MGAT4C: variants seen among roughly 807,000 people sequenced by gnomAD.
The protein encoded by MGAT4C is MGAT4 family member C.
MGAT4C carries 19 observed loss-of-function variants against 40.1 expected under a neutral mutation model. The observed-to-expected ratio is 0.47, with a 90% CI of 0.33 to 0.70. MGAT4C has a LOEUF of 0.70. Ranked by LOEUF, MGAT4C falls within the 30% of genes least tolerant of loss-of-function variation. MGAT4C has a pLI of 0.02. For synonymous variants in MGAT4C, 181 were observed against 187.1 expected (o/e 0.97, Z 0.27); for missense variants, 491 against 563.2 (o/e 0.87, Z 1.30).
At chr12:86,081,640 G>T (rs1344145826) in intron 1 of MGAT4C, among the ~76,000 whole-genome samples, 2 of 152,116 alleles carry the variant, frequency 1.3e-5, no homozygotes, top group African/African-American at 4.8e-5. Context: ...TCTGGGGGGT[G>T]ACAACTTAGT....
intron 3 of MGAT4C, among the ~76,000 whole-genome samples, chr12:86,411,074 C>A (rs189342012): frequency 7.9e-5 from 12 of 152,212 alleles, no homozygotes; most frequent in African/African-American, 2.4e-4. Flanking sequence ...AATTAAACTT[C>A]TTTTATTTAT....
intron 3 of MGAT4C, among the ~76,000 whole-genome samples, chr12:86,401,024 A>T (rs1440191390): frequency 2.0e-5 from 3 of 152,162 alleles, no homozygotes; most frequent in Admixed American, 2.0e-4. Flanking sequence ...TTTACTAAAG[A>T]AAAATTGAAT....
intron 4 of MGAT4C, among the ~76,000 whole-genome samples, chr12:86,321,622 T>C (rs76316598): frequency 0.079 from 12,052 of 152,280 alleles, 673 homozygotes; most frequent in Middle Eastern, 0.2. Context: ...CTATGTTCTT[T>C]TTTAAAAATG....
intron 4 of MGAT4C, among the ~76,000 whole-genome samples, chr12:86,274,538 G>A (rs889000159): frequency 2.0e-5 from 3 of 152,108 alleles, no homozygotes; most frequent in Non-Finnish European, 4.4e-5. Context: ...ACCCTTGAAA[G>A]TAAATTTGGC....
rs1883623710 is a variant in MGAT4C, at chr12:85,971,519, T to C, written c.*7770A>G. The stretch of plus-strand genomic sequence containing the variant: ...AAACATCTCATTGTAGTTCATCCCA[T>C]GGCAGAAAAGTGTTTATCCACTTAG... On this transcript the variant is annotated 3_prime_UTR_variant, in exon 5 of 5. Coordinates refer to ENST00000611864, the MANE Select transcript of MGAT4C (RefSeq NM_001351288.2). The C allele has an allele frequency of 6.6e-6, 1 of 151,288 alleles. No homozygotes were observed. Among genetic ancestry groups the C allele is most frequent in the Non-Finnish European group, 1.5e-5 (1 of 67,382 alleles). 9.4% of individuals were successfully genotyped at this position (151,288 alleles called of 1,614,324 possible).
intron 2 of MGAT4C, among the ~76,000 whole-genome samples, chr12:86,570,916 C>T (rs369103985): frequency 2.6e-5 from 4 of 152,036 alleles, no homozygotes; most frequent in African/African-American, 4.8e-5. Context: ...TGGGTTTAAG[C>T]GATTCTCATG....
chr12:86,083,689 T>C (rs955943376), intron 1 of MGAT4C, among the ~76,000 whole-genome samples: 4 of 152,036 alleles, frequency 2.6e-5, no homozygotes, highest in African/African-American at 4.8e-5. Flanking sequence ...AATCAACATA[T>C]CCTGGCTTAT....
intron 1 of MGAT4C, among the ~76,000 whole-genome samples, chr12:86,829,368 A>G (rs1355710186): frequency 6.6e-6 from 1 of 151,580 alleles, no homozygotes; most frequent in Non-Finnish European, 1.5e-5. Context: ...GCTCCTAAAC[A>G]ACCATTAGGC....
At chr12:86,823,095 A>G (rs1952734415) in intron 1 of MGAT4C, among the ~76,000 whole-genome samples, 1 of 151,068 alleles carries the variant, frequency 6.6e-6, no homozygotes, top group African/African-American at 2.4e-5. Context: ...CAAAAACACA[A>G]CACAGTAAAA....
intron 2 of MGAT4C, among the ~76,000 whole-genome samples, chr12:86,630,733 G>T (rs1963004931): frequency 6.6e-6 from 1 of 152,080 alleles, no homozygotes; most frequent in Non-Finnish European, 1.5e-5. Flanking sequence ...CAATAAACTA[G>T]GTATTGATGG....
chr12:86,615,061 A>C (rs1400195046), intron 2 of MGAT4C, among the ~76,000 whole-genome samples: 1 of 152,060 alleles, frequency 6.6e-6, no homozygotes, highest in African/African-American at 2.4e-5. Flanking sequence ...TATTACTGAA[A>C]TTGCTGTATC....
chr12:86,296,402 G>A lies in MGAT4C; in HGVS notation c.-57+37663C>T, dbSNP rs1430179431. On this transcript the variant is annotated intron_variant, in intron 4 of 7. Coordinates refer to the MGAT4C transcript ENST00000548651. ...CCTGCCAGTCCCGTGCCATGCGCTC[G>A]CACTCCTCAGCCCTTGGGCGGTCGA... 5.3e-5 allele frequency among the ~76,000 whole-genome samples: 8 copies of A among 152,150 alleles called. No individual in the cohort carries two copies. In the East Asian group the frequency reaches 5.8e-4, roughly 11 times the overall value.
At chr12:86,682,649 C>A (rs1170339551) in intron 2 of MGAT4C, among the ~76,000 whole-genome samples, 1 of 152,092 alleles carries the variant, frequency 6.6e-6, no homozygotes, top group Admixed American at 6.6e-5. Context: ...ACCTGCAATA[C>A]TATGCATTTA....
At chr12:86,279,806 G>A (rs995834458) in intron 4 of MGAT4C, among the ~76,000 whole-genome samples, 1 of 151,570 alleles carries the variant, frequency 6.6e-6, no homozygotes, top group African/African-American at 2.4e-5. Context: ...TACTGCTTTT[G>A]CTATATCCCA....
intron 3 of MGAT4C, among the ~76,000 whole-genome samples, chr12:86,352,852 C>T (rs1955198497): frequency 6.7e-6 from 1 of 148,314 alleles, no homozygotes. Flanking sequence ...GAACATCACA[C>T]TCCGGGGTCT....
intron 2 of MGAT4C, among the ~76,000 whole-genome samples, chr12:86,615,589 T>C (rs1293479474): frequency 2.0e-5 from 3 of 152,072 alleles, no homozygotes; most frequent in Non-Finnish European, 4.4e-5. Context: ...AATAAACTAA[T>C]ACCATAATTT....
intron 4 of MGAT4C, among the ~76,000 whole-genome samples, chr12:86,282,127 C>G (rs1171222328): frequency 6.6e-6 from 1 of 152,064 alleles, no homozygotes; most frequent in East Asian, 1.9e-4. Flanking sequence ...TGTTTTCTTT[C>G]AAATTGCAAA....
intron 1 of MGAT4C, among the ~76,000 whole-genome samples, chr12:86,147,318 T>C (rs1449594052): frequency 1.3e-5 from 2 of 152,122 alleles, no homozygotes; most frequent in African/African-American, 4.8e-5. Flanking sequence ...CTCAGCTCAC[T>C]GCAAGCTCCA....
intron 2 of MGAT4C, among the ~76,000 whole-genome samples, chr12:86,483,428 T>C (rs1394330094): frequency 6.6e-6 from 1 of 152,118 alleles, no homozygotes; most frequent in Non-Finnish European, 1.5e-5. Context: ...TGAAGTATTT[T>C]ATAAACATAT....
Sources: gnomAD v4.1 joint callset for allele counts (sites outside exome capture counted in the v4.1 genomes callset) on GRCh38, gnomAD v4.1.1 for gene constraint, MANE v1.5 for transcripts, NCBI Gene and HGNC (gene_info 2026-07-23, HGNC 2026-07-21) for gene names.